PRLR: variants seen among roughly 807,000 people sequenced by gnomAD.
The protein encoded by PRLR is hPRL receptor.
Under a neutral mutation model 40.2 loss-of-function variants are expected in PRLR, and 13 were observed. The ratio of observed to expected loss-of-function variants is 0.32; its 90% CI spans 0.21 to 0.51. The LOEUF is 0.51. Ranked by LOEUF, PRLR falls within the 20% of genes least tolerant of loss-of-function variation. The probability of loss-of-function intolerance (pLI) is 0.97; values close to 1 mark genes in which losing one functional copy is unlikely to be tolerated. For missense variants in PRLR, 656 were observed against 747.3 expected (o/e 0.88, Z 1.42); for synonymous variants, 269 against 278.7 (o/e 0.97, Z 0.35).
At chr5:35,101,130 C>G (rs1771851837) in intron 2 of PRLR, among the ~76,000 whole-genome samples, 1 of 152,166 alleles carries the variant, frequency 6.6e-6, no homozygotes, top group African/African-American at 2.4e-5. Flanking sequence ...ATACCATCAT[C>G]AAAGTTCCAG....
intron 2 of PRLR, among the ~76,000 whole-genome samples, chr5:35,098,704 G>A (rs1771682815): frequency 6.6e-6 from 1 of 152,088 alleles, no homozygotes; most frequent in South Asian, 2.1e-4. Context: ...AAGCTTTGAA[G>A]GTGAGAAGGA....
At chr5:35,118,543 G>C (rs1004321387) in intron 1 of PRLR, among the ~76,000 whole-genome samples, 2 of 152,094 alleles carry the variant, frequency 1.3e-5, no homozygotes, top group Non-Finnish European at 2.9e-5. Flanking sequence ...AATAATTAAC[G>C]TAGGAAAATT....
At chr5:35,201,807 T>C (rs532270763) in intron 1 of PRLR, among the ~76,000 whole-genome samples, 1 of 152,114 alleles carries the variant, frequency 6.6e-6, no homozygotes, top group Non-Finnish European at 1.5e-5. Flanking sequence ...CATAAATTGG[T>C]AAAGAAAAAA....
rs139240101 is a variant in PRLR, at chr5:35,117,393, C to T, written c.-44+668G>A. Among the ~76,000 whole-genome samples the T allele has an allele frequency of 6.0e-3, 918 of 152,264 alleles. 8 individuals are homozygous for T. The highest frequency in any genetic ancestry group is 0.021 in the African/African-American group (852 of 41,556). ...GAATGAGAGAGTACAGCCTCAAAGT[C>T]GTACATGTCGAGCTCATCTCAGTGG... On this transcript the variant is annotated intron_variant, in intron 2 of 9. Coordinates refer to ENST00000618457, the MANE Select transcript of PRLR (RefSeq NM_000949.7).
chr5:35,209,295 T>C (rs1456054311), intron 1 of PRLR, among the ~76,000 whole-genome samples: 3 of 152,228 alleles, frequency 2.0e-5, no homozygotes, highest in East Asian at 1.9e-4. Context: ...TGTAATATGC[T>C]GGACAGCTGG....
At chr5:35,203,529 G>A (rs1490614294) in intron 1 of PRLR, among the ~76,000 whole-genome samples, 3 of 152,118 alleles carry the variant, frequency 2.0e-5, no homozygotes, top group Admixed American at 2.0e-4. Flanking sequence ...CATTCTTTGT[G>A]CCAGAACTTT....
At chr5:35,221,233 A>T (rs1776409716) in intron 1 of PRLR, among the ~76,000 whole-genome samples, 2 of 152,218 alleles carry the variant, frequency 1.3e-5, no homozygotes, top group African/African-American at 4.8e-5. Context: ...AAAATGGCTG[A>T]GACAAGAAAG....
chr5:35,157,190 C>T (rs539347449), intron 1 of PRLR, among the ~76,000 whole-genome samples: 2 of 152,204 alleles, frequency 1.3e-5, no homozygotes, highest in East Asian at 3.9e-4. Flanking sequence ...GGCAGTCCTT[C>T]AAAGTTTTCC....
At chr5:35,111,926 C>A (rs1052757400) in intron 2 of PRLR, among the ~76,000 whole-genome samples, 1 of 152,112 alleles carries the variant, frequency 6.6e-6, no homozygotes, top group Admixed American at 6.5e-5. Context: ...CTATCGTAAT[C>A]GAGGAGGAAA....
intron 1 of PRLR, among the ~76,000 whole-genome samples, chr5:35,170,157 G>A (rs1411463497): frequency 6.6e-6 from 1 of 152,196 alleles, no homozygotes; most frequent in Non-Finnish European, 1.5e-5. Flanking sequence ...CACACAAATT[G>A]AAATGGTAAA....
chr5:35,073,737 T>A (rs1769895388), intron 5 of PRLR, among the ~76,000 whole-genome samples: 1 of 152,098 alleles, frequency 6.6e-6, no homozygotes, highest in Non-Finnish European at 1.5e-5. Context: ...GTGAGTGAAG[T>A]GCATAGGATA....
intron 1 of PRLR, among the ~76,000 whole-genome samples, chr5:35,196,905 C>CA (rs1473247787): frequency 1.3e-5 from 2 of 152,186 alleles, no homozygotes; most frequent in Non-Finnish European, 2.9e-5. Flanking sequence ...TTCTGGACTG[C>CA]ACACTGCTGA....
intron 2 of PRLR, among the ~76,000 whole-genome samples, chr5:35,108,565 C>A (rs1489296200): frequency 6.6e-6 from 1 of 152,128 alleles, no homozygotes; most frequent in African/African-American, 2.4e-5. Context: ...TTCCTATACA[C>A]CAATAAGAGA....
At chr5:35,112,951 C>T (rs554747745) in intron 2 of PRLR, among the ~76,000 whole-genome samples, 43 of 152,132 alleles carry the variant, frequency 2.8e-4, no homozygotes, top group Non-Finnish European at 2.1e-4. Context: ...TGGGGCAATT[C>T]ATACTCCCAG....
Position 35,062,645 on chromosome 5 carries a change from A to G in PRLR, c.*2444T>C, listed in dbSNP as rs1237711510. The G allele has an allele frequency of 6.6e-6, 1 of 152,220 alleles. No homozygotes were observed. Among genetic ancestry groups the G allele is most frequent in the African/African-American group, 2.4e-5 (1 of 41,458 alleles). The allele number at this position is 152,220 out of a possible 1,614,324, so 9.4% of individuals were successfully genotyped here. A position where few individuals can be genotyped will look rare whatever the true frequency, so the allele number is the denominator to read the frequency against. On this transcript the variant is annotated 3_prime_UTR_variant, in exon 10 of 10. Transcript: ENST00000618457. ...TATGTTTAGGTTTTCAGACTATAAG[A>G]GTGACTGATACATATCTTCTCTATT... is the stretch of plus-strand genomic sequence containing the variant.
intron 1 of PRLR, among the ~76,000 whole-genome samples, chr5:35,209,448 A>T (rs530034695): frequency 1.2e-4 from 15 of 124,400 alleles, no homozygotes; most frequent in Middle Eastern, 4.0e-3. Flanking sequence ...AACAAAAATA[A>T]AAAAAAGCCT....
At chr5:35,073,765 CA>C (rs1444840293) in intron 5 of PRLR, among the ~76,000 whole-genome samples, 1 of 152,088 alleles carries the variant, frequency 6.6e-6, no homozygotes, top group African/African-American at 2.4e-5. Context: ...CAAGGAGGGA[CA>C]AATGGCCAAG....
At position 35,063,172 on chromosome 5, in the gene PRLR, C is replaced by T. The variant is rs1769143425; in HGVS notation, c.*1917G>A. 6.6e-6 allele frequency: 1 copy of T among 152,162 alleles called. No individual in the cohort carries two copies. Among genetic ancestry groups the T allele is most frequent in the African/African-American group, 2.4e-5 (1 of 41,436 alleles). 9.4% of individuals were successfully genotyped at this position (152,162 alleles called of 1,614,324 possible). On this transcript the variant is annotated 3_prime_UTR_variant, in exon 10 of 10. Coordinates refer to ENST00000618457, the MANE Select transcript of PRLR (RefSeq NM_000949.7). ...ACTGAATGAGCTTGGACAACTTTCC[C>T]ACACGCTTCCCTTACTCACATGATA...
chr5:35,180,197 C>T (rs6859979), intron 1 of PRLR, among the ~76,000 whole-genome samples: 1,636 of 152,276 alleles, frequency 0.011, 34 homozygotes, highest in African/African-American at 0.038. Flanking sequence ...CAGTAATGAG[C>T]GATGGGGAGC....
Sources: gnomAD v4.1 joint callset for allele counts (sites outside exome capture counted in the v4.1 genomes callset) on GRCh38, gnomAD v4.1.1 for gene constraint, MANE v1.5 for transcripts, NCBI Gene and HGNC (gene_info 2026-07-23, HGNC 2026-07-21) for gene names.